Variants in GRID2 observed in about 807,000 individuals in gnomAD.
The protein encoded by GRID2 is glutamate ionotropic receptor delta type subunit 2.
A neutral mutation model predicts 114.8 loss-of-function variants in GRID2; 33 were observed. That is an observed-to-expected ratio of 0.29 (90% confidence interval 0.22 to 0.38). GRID2 has a LOEUF of 0.38. Among genes scored for constraint, GRID2 ranks in the 10% least tolerant of loss-of-function variants. The pLI, the probability that GRID2 is intolerant of heterozygous loss-of-function variation, is 1.00. For synonymous variants in GRID2, 505 were observed against 449.9 expected (o/e 1.12, Z -1.55); for missense variants, 1,184 against 1,257.7 (o/e 0.94, Z 0.89).
intron 1 of GRID2, among the ~76,000 whole-genome samples, chr4:92,536,834 T>C (rs554271055): frequency 6.6e-6 from 1 of 152,204 alleles, no homozygotes; most frequent in East Asian, 1.9e-4. Context: ...TAAGATGCGG[T>C]TTTCAAAATT....
At chr4:92,359,035 T>A (rs573675612) in intron 1 of GRID2, among the ~76,000 whole-genome samples, 1 of 151,786 alleles carries the variant, frequency 6.6e-6, no homozygotes, top group East Asian at 1.9e-4. Context: ...ATAAGTCCCT[T>A]AAAATGTGTA....
At chr4:93,196,789 T>A (rs1579259410) in intron 4 of GRID2, among the ~76,000 whole-genome samples, 1 of 152,128 alleles carries the variant, frequency 6.6e-6, no homozygotes, top group Admixed American at 6.5e-5. Context: ...TTTTTTGTTT[T>A]CCTCCTCTGG....
intron 1 of GRID2, among the ~76,000 whole-genome samples, chr4:93,800,405 A>G (rs1430062860): frequency 1.3e-5 from 2 of 152,354 alleles, no homozygotes; most frequent in Admixed American, 1.3e-4. Flanking sequence ...TTTGGATCGA[A>G]CAATTTGGAA....
In GRID2 at chr4:93,326,906, A is replaced by G. The variant is rs141430229; in HGVS notation, c.1246-68701A>G. ...TTAAAATACTGGATCTGGTAGTTTTACTTATGATATACAGAATGGGTTTCT... is the reference window on the plus strand; with the variant it reads ...TTAAAATACTGGATCTGGTAGTTTTGCTTATGATATACAGAATGGGTTTCT... On this transcript the variant is annotated intron_variant, in intron 8 of 15. Transcript: ENST00000282020. Among the ~76,000 whole-genome samples, 542 of 152,290 alleles carry G rather than the reference A, an allele frequency of 3.6e-3. 2 individuals carry two copies. The highest frequency in any genetic ancestry group is 5.8e-3 in the Non-Finnish European group (396 of 68,000).
chr4:92,775,057 G>A (rs1234228175), intron 2 of GRID2, among the ~76,000 whole-genome samples: 10 of 152,104 alleles, frequency 6.6e-5, no homozygotes. Context: ...AGACTATAAA[G>A]GATTCTCTTT....
intron 2 of GRID2, among the ~76,000 whole-genome samples, chr4:92,757,048 C>T (rs933418299): frequency 2.6e-5 from 4 of 151,932 alleles, no homozygotes; most frequent in African/African-American, 9.7e-5. Flanking sequence ...TGGAGTGTTT[C>T]TCTTATGCTT....
At chr4:93,464,018 A>G (rs915813287) in intron 11 of GRID2, among the ~76,000 whole-genome samples, 2 of 152,150 alleles carry the variant, frequency 1.3e-5, no homozygotes, top group Admixed American at 6.6e-5. Context: ...AGCAGGTGCT[A>G]TAGATTCTTT....
At chr4:93,116,304 G>C (rs1053792216) in intron 4 of GRID2, among the ~76,000 whole-genome samples, 1 of 152,088 alleles carries the variant, frequency 6.6e-6, no homozygotes, top group Admixed American at 6.6e-5. Context: ...TTGGAAGCAC[G>C]TATTTTCTAT....
chr4:92,358,173 T>C (rs1728435722), intron 1 of GRID2, among the ~76,000 whole-genome samples: 1 of 151,642 alleles, frequency 6.6e-6, no homozygotes, highest in Admixed American at 6.6e-5. Flanking sequence ...CTGTCTGGGA[T>C]GCCTAGAGCA....
intron 1 of GRID2, among the ~76,000 whole-genome samples, chr4:92,547,619 C>G (rs1726329112): frequency 6.6e-6 from 1 of 151,918 alleles, no homozygotes; most frequent in Non-Finnish European, 1.5e-5. Context: ...ATGGAAAATA[C>G]AGGACTTATA....
chr4:92,970,936 T>G (rs557180723), intron 2 of GRID2, among the ~76,000 whole-genome samples: 1 of 151,810 alleles, frequency 6.6e-6, no homozygotes, highest in Non-Finnish European at 1.5e-5. Context: ...TATATATATA[T>G]ACACACACAT....
intron 4 of GRID2, among the ~76,000 whole-genome samples, chr4:93,191,264 T>G (rs1302207580): frequency 6.6e-6 from 1 of 152,040 alleles, no homozygotes; most frequent in South Asian, 2.1e-4. Context: ...GGAAAGAATG[T>G]AACCATGTTA....
At chr4:93,150,768 C>T (rs1736659398) in intron 4 of GRID2, among the ~76,000 whole-genome samples, 1 of 152,034 alleles carries the variant, frequency 6.6e-6, no homozygotes, top group African/African-American at 2.4e-5. Context: ...CTGGCTGTCT[C>T]AGAAGCTTTG....
intron 1 of GRID2, among the ~76,000 whole-genome samples, chr4:92,452,947 TG>T (rs1391341798): frequency 1.4e-5 from 2 of 147,716 alleles, no homozygotes; most frequent in Admixed American, 1.4e-4. Flanking sequence ...CTGACAGGTG[TG>T]TGTGTGTGTG....
chr4:92,774,440 G>A (rs899316998), intron 2 of GRID2, among the ~76,000 whole-genome samples: 2 of 152,008 alleles, frequency 1.3e-5, no homozygotes, highest in Non-Finnish European at 2.9e-5. Context: ...GAGAACTGGG[G>A]TATCATTGAT....
chr4:93,680,628 G>A (rs866392661), intron 14 of GRID2, among the ~76,000 whole-genome samples: 2,062 of 151,424 alleles, frequency 0.014, 48 homozygotes, highest in African/African-American at 0.046. Flanking sequence ...TTCAATATAC[G>A]CAAATCAATA....
chr4:92,439,765 C>A lies in GRID2; in HGVS notation c.88+135021C>A, dbSNP rs879224323. Among the ~76,000 whole-genome samples the A allele has an allele frequency of 5.5e-5, 8 of 145,880 alleles. 1 individual carries two copies. In the East Asian group the frequency reaches 1.6e-3, roughly 29 times the overall value. On this transcript the variant is annotated intron_variant, in intron 1 of 15. Coordinates refer to ENST00000282020, the MANE Select transcript of GRID2 (RefSeq NM_001510.4). The stretch of plus-strand genomic sequence containing the variant: ...CTCAGGACATCTGATGAGAGAGTGC[C>A]TAAGGAGATTCAGCATAGTCCTGCC...
At chr4:92,770,488 A>G (rs1738488258) in intron 2 of GRID2, among the ~76,000 whole-genome samples, 1 of 152,034 alleles carries the variant, frequency 6.6e-6, no homozygotes, top group Admixed American at 6.6e-5. Flanking sequence ...AATTTACTCT[A>G]GTCATCTGTT....
At chr4:93,023,516 A>G (rs779544962) in intron 2 of GRID2, among the ~76,000 whole-genome samples, 10 of 151,910 alleles carry the variant, frequency 6.6e-5, no homozygotes, top group Non-Finnish European at 1.5e-4. Context: ...ATTCTAAAAC[A>G]GCTAATAGTG....
Sources: gnomAD v4.1 joint callset for allele counts (sites outside exome capture counted in the v4.1 genomes callset) on GRCh38, gnomAD v4.1.1 for gene constraint, MANE v1.5 for transcripts, NCBI Gene and HGNC (gene_info 2026-07-23, HGNC 2026-07-21) for gene names.